The following TMEM163 variants were observed in gnomAD, a reference collection of about 807,000 sequenced individuals.
The protein encoded by TMEM163 is transmembrane protein 163.
A neutral mutation model predicts 29.3 loss-of-function variants in TMEM163; 17 were observed. The ratio of observed to expected loss-of-function variants is 0.58; its 90% confidence interval spans 0.40 to 0.87. The LOEUF (loss-of-function observed/expected upper bound fraction) is 0.87. TMEM163 is among the 40% of genes least tolerant of loss of function. The probability of loss-of-function intolerance (pLI) is 0.00; values close to 1 mark genes in which losing one functional copy is unlikely to be tolerated. For synonymous variants in TMEM163, 157 were observed against 160.6 expected (o/e 0.98, Z 0.17); for missense variants, 303 against 381.5 (o/e 0.79, Z 1.71).
chr2:134,706,550 G>T (rs1246374958), intron 2 of TMEM163, among the ~76,000 whole-genome samples: 1 of 152,176 alleles, frequency 6.6e-6, no homozygotes, highest in Non-Finnish European at 1.5e-5. Context: ...GAAGGGAGGT[G>T]TTTCAATCAG....
chr2:134,524,596 G>A (rs1680253583), intron 4 of TMEM163, among the ~76,000 whole-genome samples: 1 of 149,750 alleles, frequency 6.7e-6, no homozygotes, highest in Non-Finnish European at 1.5e-5. Context: ...TCACTGTTCA[G>A]CTCCCACTTA....
intron 2 of TMEM163, among the ~76,000 whole-genome samples, chr2:134,603,995 G>A (rs941468675): frequency 2.6e-5 from 4 of 151,938 alleles, no homozygotes; most frequent in East Asian, 1.9e-4. Context: ...CCCTCTCAAA[G>A]GTACCCTCTC....
chr2:134,606,540 C>G (rs1682366656), intron 2 of TMEM163, among the ~76,000 whole-genome samples: 1 of 152,186 alleles, frequency 6.6e-6, no homozygotes, highest in South Asian at 2.1e-4. Context: ...CAGAGCCATG[C>G]TCCCTGCCTC....
intron 1 of TMEM163, 150 bp downstream of exon 1, chr2:134,718,584 C>G: frequency 2.0e-6 from 1 of 500,668 alleles, no homozygotes; most frequent in Non-Finnish European, 2.7e-6. Flanking sequence ...CTGCCGCTCT[C>G]GGCTAGCGGC....
At chr2:134,485,684 G>A (rs1679291909) in intron 5 of TMEM163, among the ~76,000 whole-genome samples, 1 of 152,108 alleles carries the variant, frequency 6.6e-6, no homozygotes, top group Non-Finnish European at 1.5e-5. Flanking sequence ...AAAGACAACT[G>A]ATCATAGATG....
At chr2:134,565,121 C>A (rs1276147792) in intron 2 of TMEM163, among the ~76,000 whole-genome samples, 1 of 151,688 alleles carries the variant, frequency 6.6e-6, no homozygotes, top group African/African-American at 2.4e-5. Flanking sequence ...GCCTGTAATC[C>A]CAGCTAGTCA....
At chr2:134,567,265 T>C (rs79432705) in intron 2 of TMEM163, among the ~76,000 whole-genome samples, 5,277 of 152,298 alleles carry the variant, frequency 0.035, 324 homozygotes, top group African/African-American at 0.12. Flanking sequence ...CATCACTGAC[T>C]TAAATGGGAT....
intron 2 of TMEM163, among the ~76,000 whole-genome samples, chr2:134,658,368 T>C (rs1683669263): frequency 6.6e-6 from 1 of 152,190 alleles, no homozygotes; most frequent in South Asian, 2.1e-4. Context: ...TGAGGTTTTG[T>C]TTAAATGACA....
intron 2 of TMEM163, among the ~76,000 whole-genome samples, chr2:134,662,529 G>T (rs1184379097): frequency 6.6e-6 from 1 of 151,936 alleles, no homozygotes; most frequent in Non-Finnish European, 1.5e-5. Flanking sequence ...TTCAAAATAT[G>T]TATACAGGAA....
At chr2:134,558,911 A>G (rs1368068423) in intron 2 of TMEM163, among the ~76,000 whole-genome samples, 2 of 152,188 alleles carry the variant, frequency 1.3e-5, no homozygotes, top group African/African-American at 4.8e-5. Flanking sequence ...GACAGCCTCT[A>G]TTACACAGGG....
At chr2:134,705,923 C>A (rs891916588) in intron 2 of TMEM163, among the ~76,000 whole-genome samples, 1 of 152,232 alleles carries the variant, frequency 6.6e-6, no homozygotes, top group Non-Finnish European at 1.5e-5. Flanking sequence ...CCACCTGGGG[C>A]TCGCCGCCCA....
At chr2:134,570,666 A>G (rs928221943) in intron 2 of TMEM163, among the ~76,000 whole-genome samples, 6 of 152,184 alleles carry the variant, frequency 3.9e-5, no homozygotes, top group African/African-American at 1.4e-4. Context: ...GCAAGTGACC[A>G]AACTGCAGAG....
At chr2:134,642,041 A>T (rs1287432992) in intron 2 of TMEM163, among the ~76,000 whole-genome samples, 1 of 152,204 alleles carries the variant, frequency 6.6e-6, no homozygotes, top group Admixed American at 6.5e-5. Context: ...AACATACTAA[A>T]TGTATATTTA....
At chr2:134,547,092 A>G (rs1258132235) in intron 4 of TMEM163, among the ~76,000 whole-genome samples, 4 of 152,170 alleles carry the variant, frequency 2.6e-5, no homozygotes, top group Non-Finnish European at 2.9e-5. Context: ...GCAGAATGAA[A>G]AAAGTTCTGG....
rs1018857692 is a variant in TMEM163, at chr2:134,638,095, C to T, written c.322+75105G>A. ...ACAAATAGAGACGTATTAATATATA[C>T]ATTGTTTTGCCTCTCACCTTTTTAA... On this transcript the variant is annotated intron_variant, in intron 2 of 7. Coordinates refer to ENST00000281924, the MANE Select transcript of TMEM163 (RefSeq NM_030923.5). Among the ~76,000 whole-genome samples, 3 of 152,308 alleles carry T rather than the reference C, an allele frequency of 2.0e-5. No individual in the cohort carries two copies. In the South Asian group the frequency reaches 6.2e-4, roughly 32 times the overall value.
intron 2 of TMEM163, among the ~76,000 whole-genome samples, chr2:134,673,091 G>A (rs1684027312): frequency 6.6e-6 from 1 of 152,106 alleles, no homozygotes; most frequent in African/African-American, 2.4e-5. Context: ...GTTATCTGAT[G>A]AATATCATCA....
chr2:134,660,137 G>A (rs371688796), intron 2 of TMEM163, among the ~76,000 whole-genome samples: 3 of 152,160 alleles, frequency 2.0e-5, no homozygotes, highest in South Asian at 4.1e-4. Context: ...ATGAGGTGGG[G>A]AGGTAGGTGG....
At chr2:134,510,202 C>G (rs1679916796) in intron 4 of TMEM163, among the ~76,000 whole-genome samples, 1 of 152,060 alleles carries the variant, frequency 6.6e-6, no homozygotes, top group African/African-American at 2.4e-5. Context: ...GACCATCGCT[C>G]CATGATGGCA....
At chr2:134,684,470 G>C (rs764296252) in intron 2 of TMEM163, among the ~76,000 whole-genome samples, 1 of 152,130 alleles carries the variant, frequency 6.6e-6, no homozygotes, top group Non-Finnish European at 1.5e-5. Flanking sequence ...CAAGGCCAAG[G>C]ACAATGGGAA....
Sources: gnomAD v4.1 joint callset for allele counts (sites outside exome capture counted in the v4.1 genomes callset) on GRCh38, gnomAD v4.1.1 for gene constraint, MANE v1.5 for transcripts, NCBI Gene and HGNC (gene_info 2026-07-23, HGNC 2026-07-21) for gene names.